The following ADAMTS19 variants were observed in gnomAD, a reference collection of about 807,000 sequenced individuals.
ADAMTS19 encodes A disintegrin and metalloproteinase with thrombospondin motifs 19.
In ADAMTS19, 93 loss-of-function variants were observed where a neutral mutation model predicts 153.3. The observed-to-expected ratio is 0.61, with a 90% CI of 0.51 to 0.72. The LOEUF is 0.72. Ranked by LOEUF, ADAMTS19 falls within the 30% of genes least tolerant of loss-of-function variation. ADAMTS19 has a pLI of 0.00. For missense variants in ADAMTS19, 1,482 were observed against 1,552.1 expected, an observed-to-expected ratio of 0.95 and a Z score of 0.76; for synonymous variants, 600 against 556.6, an observed-to-expected ratio of 1.08 and a Z score of -1.10.
chr5:129,698,909 T>C (rs1755694708), intron 19 of ADAMTS19, among the ~76,000 whole-genome samples: 1 of 152,142 alleles, frequency 6.6e-6, no homozygotes, highest in Admixed American at 6.5e-5. Flanking sequence ...GCTGGATAGA[T>C]GAGGAAAAAA....
rs149616496 is a variant in ADAMTS19 at position 129,503,779 on chromosome 5, G to C, written c.748-5298G>C. On this transcript the variant is annotated intron_variant, in intron 2 of 22. Coordinates refer to ENST00000274487, the MANE Select transcript of ADAMTS19 (RefSeq NM_133638.6). ...GGAGGCGGAGGTTCCAGTGAGCCAA[G>C]ATCATGCCATTGCACTCCAGCCTGG... Among the ~76,000 whole-genome samples the C allele has an allele frequency of 2.7e-3, 407 of 152,086 alleles. 2 individuals are homozygous for C. The highest frequency in any genetic ancestry group is 9.2e-3 in the African/African-American group (380 of 41,482).
chr5:129,460,656 T>G (rs892584918), intron 1 of ADAMTS19, 174 bp downstream of exon 1: 1 of 666,848 alleles, frequency 1.5e-6, no homozygotes, highest in Non-Finnish European at 2.6e-6. Flanking sequence ...TGAAGCACAC[T>G]TCTGCCGGCC....
At chr5:129,487,805 TA>T (rs1157367400) in intron 2 of ADAMTS19, among the ~76,000 whole-genome samples, 5 of 152,100 alleles carry the variant, frequency 3.3e-5, no homozygotes, top group Admixed American at 2.6e-4. Context: ...CATTACTAAT[TA>T]AGAATCTAAT....
At chr5:129,542,835 A>C (rs1236874571) in intron 6 of ADAMTS19, among the ~76,000 whole-genome samples, 1 of 152,096 alleles carries the variant, frequency 6.6e-6, no homozygotes, top group Non-Finnish European at 1.5e-5. Flanking sequence ...TTGACTTTTT[A>C]ATAATTTACC....
chr5:129,647,252 A>T (rs1753107269), intron 11 of ADAMTS19, among the ~76,000 whole-genome samples: 1 of 151,240 alleles, frequency 6.6e-6, no homozygotes, highest in Non-Finnish European at 1.5e-5. Context: ...GGAAAGTGCT[A>T]AAATCAAACA....
chr5:129,621,055 G>T (rs1225127010), intron 9 of ADAMTS19, among the ~76,000 whole-genome samples: 1 of 151,934 alleles, frequency 6.6e-6, no homozygotes, highest in Non-Finnish European at 1.5e-5. Context: ...TTTCAATTTT[G>T]CCCAGTGGAA....
At chr5:129,685,656 G>A (rs1441948545) in intron 18 of ADAMTS19, among the ~76,000 whole-genome samples, 1 of 152,130 alleles carries the variant, frequency 6.6e-6, no homozygotes, top group African/African-American at 2.4e-5. Flanking sequence ...TGAAGAAAGA[G>A]ACTCTAGGTA....
At chr5:129,710,387 G>A (rs1756389077) in intron 21 of ADAMTS19, among the ~76,000 whole-genome samples, 2 of 152,110 alleles carry the variant, frequency 1.3e-5, no homozygotes. Flanking sequence ...GGGCATTTGG[G>A]TTGATTCCAT....
intron 2 of ADAMTS19, among the ~76,000 whole-genome samples, chr5:129,505,478 T>A (rs1433531514): frequency 1.3e-5 from 2 of 152,272 alleles, no homozygotes; most frequent in East Asian, 3.9e-4. Flanking sequence ...TTATAATTAA[T>A]GAGGTAAAGT....
chr5:129,724,512 A>C (rs1313864289), intron 21 of ADAMTS19, among the ~76,000 whole-genome samples: 1 of 152,188 alleles, frequency 6.6e-6, no homozygotes, highest in Non-Finnish European at 1.5e-5. Flanking sequence ...GGAGAGACCA[A>C]GGCAAGTTTT....
At chr5:129,487,427 T>C (rs1295181725) in intron 2 of ADAMTS19, among the ~76,000 whole-genome samples, 1 of 152,120 alleles carries the variant, frequency 6.6e-6, no homozygotes, top group East Asian at 1.9e-4. Flanking sequence ...TCAATAAAAA[T>C]ACTTTTATTC....
chr5:129,539,776 C>G (rs1237222743), intron 6 of ADAMTS19, among the ~76,000 whole-genome samples: 1 of 152,070 alleles, frequency 6.6e-6, no homozygotes, highest in Non-Finnish European at 1.5e-5. Context: ...AGTACTTGCT[C>G]TGTCAAAGGG....
At chr5:129,583,185 A>C (rs1749611431) in intron 7 of ADAMTS19, among the ~76,000 whole-genome samples, 1 of 152,120 alleles carries the variant, frequency 6.6e-6, no homozygotes, top group Non-Finnish European at 1.5e-5. Context: ...GTTTGGCTGG[A>C]TATGAAATTC....
intron 8 of ADAMTS19, among the ~76,000 whole-genome samples, chr5:129,607,479 T>C (rs185722954): frequency 4.1e-4 from 63 of 152,294 alleles, no homozygotes; most frequent in African/African-American, 1.5e-3. Flanking sequence ...GTTGGTCATC[T>C]TGAGGTGCAG....
chr5:129,572,966 T>C (rs1473338796), intron 7 of ADAMTS19, among the ~76,000 whole-genome samples: 1 of 152,050 alleles, frequency 6.6e-6, no homozygotes, highest in African/African-American at 2.4e-5. Flanking sequence ...TTTTATCTGA[T>C]TGTTAGATTT....
intron 6 of ADAMTS19, among the ~76,000 whole-genome samples, chr5:129,539,585 C>G (rs1175394707): frequency 6.6e-6 from 1 of 151,984 alleles, no homozygotes; most frequent in Non-Finnish European, 1.5e-5. Flanking sequence ...TATCGGTCTG[C>G]ATCATTTGTG....
intron 6 of ADAMTS19, among the ~76,000 whole-genome samples, chr5:129,549,183 A>AAAAT (rs77046635): frequency 0.22 from 32,334 of 148,042 alleles, 3,912 homozygotes; most frequent in African/African-American, 0.31. Flanking sequence ...TAATAATAAT[A>AAAAT]AAATAAATAA....
At chr5:129,654,267 T>G (rs1561629496) in intron 13 of ADAMTS19, 39 bp from the exon 14 acceptor site, 1 of 1,543,982 alleles carries the variant, frequency 6.5e-7, no homozygotes, top group Non-Finnish European at 8.7e-7. Flanking sequence ...ATTTATGGGG[T>G]AACTTTTTCT....
At chr5:129,581,358 ATTTC>A (rs1335915345) in intron 7 of ADAMTS19, among the ~76,000 whole-genome samples, 3 of 151,492 alleles carry the variant, frequency 2.0e-5, no homozygotes, top group Admixed American at 2.0e-4. Flanking sequence ...GAATTTATCT[ATTTC>A]TTCTAGATTT....
Sources: allele counts gnomAD v4.1 joint callset (sites outside exome capture counted in the v4.1 genomes callset), GRCh38; gene constraint gnomAD v4.1.1; transcripts MANE v1.5; gene names NCBI Gene and HGNC (gene_info 2026-07-23, HGNC 2026-07-21).